PPP2R5A: variants seen among roughly 807,000 people sequenced by gnomAD.
PPP2R5A encodes protein phosphatase 2 regulatory subunit B'alpha, also known as serine/threonine-protein phosphatase 2A 56 kDa regulatory subunit alpha isoform.
In PPP2R5A, 25 loss-of-function variants were observed where a neutral mutation model predicts 64.2. That is an observed-to-expected ratio of 0.39 (90% CI 0.28 to 0.54). The LOEUF (loss-of-function observed/expected upper bound fraction) is 0.54, where lower values mean the gene tolerates loss of function less well. PPP2R5A is among the 20% of genes least tolerant of loss of function. PPP2R5A has a pLI of 0.67. For synonymous variants in PPP2R5A, 198 were observed against 201.2 expected (o/e 0.98, Z 0.13); for missense variants, 425 against 576.3 (o/e 0.74, Z 2.69).
At chr1:212,330,480 T>TC (rs1399951117) in intron 2 of PPP2R5A, among the ~76,000 whole-genome samples, 19 of 151,250 alleles carry the variant, frequency 1.3e-4, no homozygotes, top group Non-Finnish European at 2.9e-5. Context: ...GCCCAGGAGT[T>TC]CAAGACTGAA....
At chr1:212,330,906 G>T (rs1179305091) in intron 2 of PPP2R5A, among the ~76,000 whole-genome samples, 1 of 150,706 alleles carries the variant, frequency 6.6e-6, no homozygotes, top group African/African-American at 2.4e-5. Flanking sequence ...AGTGGCTCAT[G>T]CCTGTAACCC....
intron 1 of PPP2R5A, chr1:212,302,100 T>C: frequency 1.3e-6 from 2 of 1,509,688 alleles, no homozygotes; most frequent in Non-Finnish European, 1.8e-6. Flanking sequence ...TGAGTATGTA[T>C]ATTAAGATTT....
intron 8 of PPP2R5A, among the ~76,000 whole-genome samples, chr1:212,349,671 A>G (rs1659843039): frequency 6.6e-6 from 1 of 152,168 alleles, no homozygotes; most frequent in Non-Finnish European, 1.5e-5. Flanking sequence ...AAACCACTTG[A>G]TAGGGATAGA....
chr1:212,320,489 A>G (rs372058584), intron 1 of PPP2R5A, among the ~76,000 whole-genome samples: 5 of 151,838 alleles, frequency 3.3e-5, no homozygotes, highest in African/African-American at 4.8e-5. Flanking sequence ...TGGTGGCTGG[A>G]CAGAGGGGCT....
intron 3 of PPP2R5A, among the ~76,000 whole-genome samples, chr1:212,339,538 TA>T (rs1659651738): frequency 6.6e-6 from 1 of 152,208 alleles, no homozygotes; most frequent in African/African-American, 2.4e-5. Flanking sequence ...GTTGGCGGCA[TA>T]ACAGCATTTT....
chr1:212,338,110 G>C (rs1376416034), intron 3 of PPP2R5A, among the ~76,000 whole-genome samples: 3 of 151,988 alleles, frequency 2.0e-5, no homozygotes, highest in Non-Finnish European at 4.4e-5. Flanking sequence ...TTTTTGTATA[G>C]GTCTTATTTT....
At chr1:212,349,416 G>A (rs1026672293) in intron 8 of PPP2R5A, among the ~76,000 whole-genome samples, 174 bp downstream of exon 8, 13 of 152,106 alleles carry the variant, frequency 8.5e-5, no homozygotes, top group Non-Finnish European at 1.8e-4. Flanking sequence ...GGAGGGGAGA[G>A]TTCTCGTGAG....
chr1:212,294,700 A>G (rs1203244121), intron 1 of PPP2R5A, among the ~76,000 whole-genome samples: 1 of 152,236 alleles, frequency 6.6e-6, no homozygotes, highest in Non-Finnish European at 1.5e-5. Flanking sequence ...TTAGGAGTTT[A>G]TAGTTGGTGA....
At chr1:212,344,268 C>T (rs980521359) in intron 4 of PPP2R5A, among the ~76,000 whole-genome samples, 3 of 152,154 alleles carry the variant, frequency 2.0e-5, no homozygotes, top group East Asian at 3.8e-4. Context: ...GCCACTTTGC[C>T]CGGCTGCCAT....
chr1:212,346,032 C>CAAAAA, intron 5 of PPP2R5A, 99 bp downstream of exon 5: 1 of 1,200,092 alleles, frequency 8.3e-7, no homozygotes, highest in South Asian at 1.6e-5. Context: ...GACAGGGTCT[C>CAAAAA]ACTCTGTCAT....
Position 212,347,425 on chromosome 1 carries a change from T to G in PPP2R5A, c.764+19T>G. The G allele has an allele frequency of 6.4e-7, 1 of 1,552,244 alleles. No individual in the cohort carries two copies. ...TAGGAAGGTAGGTCAGGTTTTTTTG[T>G]TCTTTTTAAGAATTAAGTAAGTGAA... On this transcript the variant is annotated intron_variant, in intron 6 of 12. Coordinates refer to ENST00000261461, the MANE Select transcript of PPP2R5A (RefSeq NM_006243.4).
At chr1:212,313,199 C>T (rs777429092) in intron 1 of PPP2R5A, among the ~76,000 whole-genome samples, 5 of 152,254 alleles carry the variant, frequency 3.3e-5, no homozygotes, top group East Asian at 3.9e-4. Flanking sequence ...CTTCCCACAG[C>T]GATCACAGTC....
intron 8 of PPP2R5A, among the ~76,000 whole-genome samples, chr1:212,349,670 G>T (rs1659842999): frequency 6.6e-6 from 1 of 152,108 alleles, no homozygotes; most frequent in African/African-American, 2.4e-5. Context: ...TAAACCACTT[G>T]ATAGGGATAG....
chr1:212,359,698 C>G (rs1259016614), intron 12 of PPP2R5A, among the ~76,000 whole-genome samples: 1 of 152,122 alleles, frequency 6.6e-6, no homozygotes, highest in African/African-American at 2.4e-5. Context: ...TTATGGTTAT[C>G]TTAAAGTAGA....
intron 3 of PPP2R5A, chr1:212,334,127 A>C (rs912229374): frequency 1.3e-5 from 2 of 152,272 alleles, no homozygotes. Flanking sequence ...TTATGGATGA[A>C]TTATTCCATT....
Position 212,344,187 on chromosome 1 carries a change from C to T in PPP2R5A, c.574-1616C>T, listed in dbSNP as rs537511067. Among the ~76,000 whole-genome samples, 16 of 152,208 alleles carry T rather than the reference C, an allele frequency of 1.1e-4. No homozygotes were observed. The East Asian group carries it at 1.2e-3, about 11-fold the overall frequency. The stretch of plus-strand genomic sequence containing the variant: ...CAGGGTTTTACTGTGTTGGCCAGGC[C>T]GGTATCAAATCCCTGACCTCAAGTG... On this transcript the variant is annotated intron_variant, in intron 4 of 12. Coordinates refer to ENST00000261461, the MANE Select transcript of PPP2R5A (RefSeq NM_006243.4).
chr1:212,324,043 G>C (rs1432150343), intron 1 of PPP2R5A, among the ~76,000 whole-genome samples: 1 of 151,634 alleles, frequency 6.6e-6, no homozygotes, highest in Non-Finnish European at 1.5e-5. Flanking sequence ...CTGCACTCCA[G>C]CCTGGGCGAC....
chr1:212,337,485 A>G (rs1659610130), intron 3 of PPP2R5A, among the ~76,000 whole-genome samples: 1 of 152,140 alleles, frequency 6.6e-6, no homozygotes, highest in African/African-American at 2.4e-5. Flanking sequence ...TAAACTAGCA[A>G]CATACATATA....
rs993212208 is a variant in PPP2R5A, at chr1:212,286,016, A to C, written c.-95A>C. The C allele has an allele frequency of 7.9e-7, 1 of 1,261,630 alleles. No homozygotes were observed. Among genetic ancestry groups the C allele is most frequent in the South Asian group, 1.8e-5 (1 of 54,668 alleles). The allele number at this position is 1,261,630 out of a possible 1,614,324, so 78.2% of individuals were successfully genotyped here. On this transcript the variant is annotated 5_prime_UTR_variant, in exon 1 of 13. Coordinates refer to ENST00000261461, the MANE Select transcript of PPP2R5A (RefSeq NM_006243.4). The stretch of plus-strand genomic sequence containing the variant: ...GGGGCCGGGGCGCAGGGGCGCGAGC[A>C]CCCCGCGCCTCTCCCCCGCCTCCTC...
Sources: gnomAD v4.1 joint callset for allele counts (sites outside exome capture counted in the v4.1 genomes callset) on GRCh38, gnomAD v4.1.1 for gene constraint, MANE v1.5 for transcripts, NCBI Gene and HGNC (gene_info 2026-07-23, HGNC 2026-07-21) for gene names.